The following AIFM3 variants were observed in gnomAD, a reference collection of about 807,000 sequenced individuals.
The protein encoded by AIFM3 is apoptosis-inducing factor 3.
Under a neutral mutation model 82.7 loss-of-function variants are expected in AIFM3, and 71 were observed. The observed-to-expected ratio is 0.86, with a 90% CI of 0.71 to 1.05. The LOEUF (loss-of-function observed/expected upper bound fraction) is 1.05. Ranked by LOEUF, AIFM3 falls within the 50% of genes least tolerant of loss-of-function variation. The probability of loss-of-function intolerance (pLI) is 0.00; values close to 1 mark genes in which losing one functional copy is unlikely to be tolerated. For synonymous variants in AIFM3, 337 were observed against 329.1 expected (o/e 1.02, Z -0.26); for missense variants, 748 against 816.7 (o/e 0.92, Z 1.03).
At chr22:20,979,496 C>A in intron 17 of AIFM3, 127 bp downstream of exon 17, 1 of 1,479,902 alleles carries the variant, frequency 6.8e-7, no homozygotes, top group Non-Finnish European at 9.4e-7. Context: ...TAAGAACTCG[C>A]TGGCGGCAAG....
intron 9 of AIFM3, 52 bp from the exon 10 acceptor site, chr22:20,976,163 G>T: frequency 7.1e-7 from 1 of 1,400,312 alleles, no homozygotes; most frequent in Non-Finnish European, 9.4e-7. Context: ...GGAGTGGGCG[G>T]CGAGGCCCAG....
At chr22:20,972,986 G>A (rs1294174920) in intron 2 of AIFM3, among the ~76,000 whole-genome samples, 2 of 151,676 alleles carry the variant, frequency 1.3e-5, no homozygotes, top group Non-Finnish European at 2.9e-5. Context: ...GGCAGAGACT[G>A]CAGCGAGCCG....
At chr22:20,980,907 G>A in intron 20 of AIFM3, 85 bp from the exon 21 acceptor site, 5 of 1,610,266 alleles carry the variant, frequency 3.1e-6, no homozygotes, top group East Asian at 2.2e-5. Flanking sequence ...ACCCCCTGCT[G>A]TCCTCAAGGG....
rs1234346214 is a variant in AIFM3, at chr22:20,976,774, C to T, written c.1146+8C>T. 11 of 1,610,340 alleles carry T rather than the reference C, an allele frequency of 6.8e-6. No homozygotes were observed. The highest frequency in any genetic ancestry group is 8.5e-6 in the Non-Finnish European group (10 of 1,178,166). On this transcript the variant is annotated splice_region_variant and intron_variant, in intron 12 of 20. Coordinates refer to ENST00000440238, the MANE Select transcript of AIFM3 (RefSeq NM_001386814.1). Reference sequence around the variant, plus strand: ...GGTCGTGCCCTCATGAAGGTGAGCCCACCCCAGCACCCAGTGCCTTGGAGC... The same window carrying T: ...GGTCGTGCCCTCATGAAGGTGAGCCTACCCCAGCACCCAGTGCCTTGGAGC...
chr22:20,979,572 C>T, intron 17 of AIFM3, 55 bp from the exon 18 acceptor site: 5 of 1,598,210 alleles, frequency 3.1e-6, no homozygotes, highest in South Asian at 2.2e-5. Flanking sequence ...GATCCTGTGA[C>T]GTCTCGTTCC....
Position 20,977,945 on chromosome 22 carries a change from C to T in AIFM3, c.1417C>T (p.Leu473Phe). The change falls in exon 16 of 21, where the codon CTT becomes TTT. Residue 473 changes from leucine to phenylalanine, a missense_variant. Transcript: ENST00000440238. ...AGCTGGCGATGCTGTCACCTTCCCC[C>T]TTGCCTGGAGGAACAACCGCAAAGT... ...FAAGDAVTFP[L>F]AWRNNRKVNI... The T allele has an allele frequency of 6.2e-7, 1 of 1,614,218 alleles. No individual in the cohort carries two copies. Among genetic ancestry groups the T allele is most frequent in the African/African-American group, 1.3e-5 (1 of 75,038 alleles).
chr22:20,980,802 T>C (rs767203530), intron 20 of AIFM3, 35 bp downstream of exon 20: 1 of 1,613,824 alleles, frequency 6.2e-7, no homozygotes, highest in South Asian at 1.1e-5. Flanking sequence ...GTTCTGAGCC[T>C]TTCCCATGTC....
chr22:20,975,622 C>T (rs1428355319), intron 8 of AIFM3, 70 bp from the exon 9 acceptor site: 13 of 1,505,782 alleles, frequency 8.6e-6, no homozygotes, highest in Non-Finnish European at 1.2e-5. Flanking sequence ...CTGGGGCTGG[C>T]CCCACCTTCC....
chr22:20,976,353 G>T, intron 10 of AIFM3, 47 bp downstream of exon 10: 1 of 1,613,634 alleles, frequency 6.2e-7, no homozygotes, highest in South Asian at 1.1e-5. Flanking sequence ...CAGGGCACTG[G>T]CCTGGACGGG....
chr22:20,968,100 C>A, intron 2 of AIFM3, 125 bp downstream of exon 2: 1 of 980,246 alleles, frequency 1.0e-6, no homozygotes, highest in Non-Finnish European at 1.5e-6. Flanking sequence ...CAAGAACCCG[C>A]TCGGAATGTT....
chr22:20,972,203 G>A (rs1018429951), intron 2 of AIFM3, among the ~76,000 whole-genome samples: 13 of 152,136 alleles, frequency 8.5e-5, no homozygotes, highest in Non-Finnish European at 1.5e-4. Context: ...TCAGGAGTTC[G>A]AGACCAGCCT....
Position 20,974,795 on chromosome 22 carries a change from C to T in AIFM3, c.699C>T (p.Tyr233=), listed in dbSNP as rs138399322. The T allele has an allele frequency of 2.7e-5, 43 of 1,612,756 alleles. No homozygotes were observed. Among genetic ancestry groups the T allele is most frequent in the South Asian group, 8.8e-5 (8 of 91,020 alleles). Residue 233 remains tyrosine (Y), a synonymous_variant, in exon 8 of 21, where the codon TAC becomes TAT. Coordinates refer to ENST00000440238, the MANE Select transcript of AIFM3 (RefSeq NM_001386814.1). ...VLCTLDRHLP[Y]DRPKLSKSLD... is the part of the protein sequence containing the mutation. ...GCACGCTAGACCGGCACCTTCCCTA[C>T]GACCGTCCCAAGCTCAGCAAGGTAC...
At chr22:20,971,773 C>G (rs1027133466) in intron 2 of AIFM3, among the ~76,000 whole-genome samples, 1 of 152,238 alleles carries the variant, frequency 6.6e-6, no homozygotes, top group Non-Finnish European at 1.5e-5. Context: ...GCAGCAGCAG[C>G]CTGGGAGGCC....
rs372788482 is a variant in AIFM3, at chr22:20,977,655, A to G, written c.1283-45A>G. The stretch of plus-strand genomic sequence containing the variant: ...TGTAGGGTGTGGAGAGTGACTACGC[A>G]GAAGGCAGGGACAGGGGAGTGGACA... On this transcript the variant is annotated intron_variant, in intron 14 of 20. Coordinates refer to ENST00000440238, the MANE Select transcript of AIFM3 (RefSeq NM_001386814.1). 3.7e-6 allele frequency: 6 copies of G among 1,611,950 alleles called. No individual in the cohort carries two copies. The African/African-American group carries it at 5.3e-5, about 14-fold the overall frequency.
rs547999804 is a variant in AIFM3 at position 20,969,772 on chromosome 22, G to T, written c.31+1797G>T. On this transcript the variant is annotated intron_variant, in intron 2 of 20. Coordinates refer to ENST00000440238, the MANE Select transcript of AIFM3 (RefSeq NM_001386814.1). ...TGTGGGGCTGTAGCCAGAGGCTCAG[G>T]CCCCAGGTGCCCATGCTGGGCAGGT... 6.6e-5 allele frequency among the ~76,000 whole-genome samples: 10 copies of T among 152,236 alleles called. No individual in the cohort carries two copies. In the East Asian group the frequency reaches 1.9e-3, roughly 29 times the overall value.
intron 4 of AIFM3, 37 bp from the exon 5 acceptor site, chr22:20,974,026 C>G (rs981733554): frequency 6.4e-7 from 1 of 1,567,400 alleles, no homozygotes; most frequent in Non-Finnish European, 8.6e-7. Context: ...GAAGCAACCC[C>G]TGCTGGTGGG....
chr22:20,980,667 G>A, intron 19 of AIFM3, 80 bp from the exon 20 acceptor site: 1 of 1,593,488 alleles, frequency 6.3e-7, no homozygotes, highest in Non-Finnish European at 8.6e-7. Context: ...TGGAAACAAT[G>A]GAGGACCAGA....
upstream of AIFM3, among the ~76,000 whole-genome samples, chr22:20,966,245 AGGG>A (rs1318610178): frequency 1.5e-4 from 3 of 19,728 alleles, no homozygotes; most frequent in Non-Finnish European, 2.6e-4. Context: ...GGAAGCGGGC[AGGG>A]CTGAACCAGG....
intron 11 of AIFM3, 49 bp from the exon 12 acceptor site, chr22:20,976,602 G>T: frequency 6.2e-7 from 1 of 1,612,918 alleles, no homozygotes; most frequent in Non-Finnish European, 8.5e-7. Context: ...GGGAAGTTCT[G>T]GTCGAGGAAG....
Sources: gnomAD v4.1 joint callset for allele counts (sites outside exome capture counted in the v4.1 genomes callset) on GRCh38, gnomAD v4.1.1 for gene constraint, MANE v1.5 for transcripts, NCBI Gene and HGNC (gene_info 2026-07-23, HGNC 2026-07-21) for gene names.